The following RYR2 variants were observed in gnomAD, a reference collection of about 807,000 sequenced individuals.
RYR2 encodes the protein cardiac muscle ryanodine receptor-calcium release channel.
In RYR2, 227 loss-of-function variants were observed where a neutral mutation model predicts 601.1. The ratio of observed to expected loss-of-function variants is 0.38; its 90% CI spans 0.34 to 0.42. The LOEUF (loss-of-function observed/expected upper bound fraction) is 0.42. RYR2 is among the 10% of genes least tolerant of loss of function. The pLI is 1.00. For synonymous variants in RYR2, 2,223 were observed against 2,175.1 expected (o/e 1.02, Z -0.61); for missense variants, 4,646 against 6,156.5 (o/e 0.75, Z 8.21).
chr1:237,245,923 A>T (rs1032101208), intron 1 of RYR2, among the ~76,000 whole-genome samples: 1 of 151,816 alleles, frequency 6.6e-6, no homozygotes, highest in African/African-American at 2.4e-5. Context: ...CTGGCATTAC[A>T]GGTTCCCACC....
intron 63 of RYR2, among the ~76,000 whole-genome samples, chr1:237,691,250 T>A (rs1686919985): frequency 6.6e-6 from 1 of 152,178 alleles, no homozygotes; most frequent in Non-Finnish European, 1.5e-5. Context: ...AAGAAAATAC[T>A]TGAGTTTTGT....
intron 72 of RYR2, among the ~76,000 whole-genome samples, chr1:237,717,576 G>A (rs987818851): frequency 4.0e-5 from 6 of 151,876 alleles, no homozygotes; most frequent in Admixed American, 1.3e-4. Context: ...AATCACCTCC[G>A]GGACACATTC....
chr1:237,433,992 T>C lies in RYR2; in HGVS notation c.1006-7327T>C, dbSNP rs115762102. On this transcript the variant is annotated intron_variant, in intron 12 of 104. Coordinates refer to ENST00000366574, the MANE Select transcript of RYR2 (RefSeq NM_001035.3). ...ATCAAGATTTATTACTGATGGAAAA[T>C]CAAACTTTTCTAGGTCAGTTGCAAA... Among the ~76,000 whole-genome samples, 811 of 152,244 alleles carry C rather than the reference T, an allele frequency of 5.3e-3. 10 individuals carry two copies. Among genetic ancestry groups the C allele is most frequent in the African/African-American group, 0.018 (748 of 41,564 alleles).
chr1:237,059,936 T>G (rs1297223076), intron 1 of RYR2, among the ~76,000 whole-genome samples: 6 of 152,216 alleles, frequency 3.9e-5, no homozygotes. Context: ...AGACTTATAC[T>G]TAAAGCGTTC....
intron 1 of RYR2, among the ~76,000 whole-genome samples, chr1:237,231,302 C>CT (rs565733208): frequency 1.9e-4 from 28 of 149,978 alleles, no homozygotes; most frequent in Non-Finnish European, 3.0e-4. Context: ...GAGATAGTGT[C>CT]TTTTTTTCTT....
At chr1:237,261,765 A>G (rs1688551325) in intron 1 of RYR2, among the ~76,000 whole-genome samples, 1 of 151,994 alleles carries the variant, frequency 6.6e-6, no homozygotes, top group Admixed American at 6.6e-5. Context: ...ATTCCTCCTT[A>G]AAGTCTTTGC....
chr1:237,831,813 T>A (rs1663822820), intron 104 of RYR2, among the ~76,000 whole-genome samples: 2 of 152,056 alleles, frequency 1.3e-5, no homozygotes, highest in Admixed American at 1.3e-4. Context: ...ATTTGAGTTT[T>A]GAATTCCATT....
At chr1:237,138,960 C>T (rs1291744521) in intron 1 of RYR2, among the ~76,000 whole-genome samples, 4 of 152,222 alleles carry the variant, frequency 2.6e-5, no homozygotes, top group Middle Eastern at 6.8e-3. Context: ...ATAGCTGCCA[C>T]GGAAAACAGA....
intron 29 of RYR2, among the ~76,000 whole-genome samples, chr1:237,579,475 G>A (rs564699606): frequency 2.6e-5 from 4 of 151,854 alleles, no homozygotes; most frequent in African/African-American, 4.8e-5. Context: ...GGCTGGTCTC[G>A]AACTCCTGAC....
At chr1:237,492,126 G>A (rs939803054) in intron 18 of RYR2, among the ~76,000 whole-genome samples, 1 of 152,166 alleles carries the variant, frequency 6.6e-6, no homozygotes, top group African/African-American at 2.4e-5. Context: ...TCCGCCTCTA[G>A]GGTTCAAGCA....
chr1:237,446,918 G>A (rs946076341), intron 14 of RYR2, among the ~76,000 whole-genome samples: 1 of 152,022 alleles, frequency 6.6e-6, no homozygotes, highest in Admixed American at 6.6e-5. Context: ...TATAAAACTA[G>A]TCAAGAAGTT....
At chr1:237,248,311 T>C (rs963226460) in intron 1 of RYR2, among the ~76,000 whole-genome samples, 4 of 88,094 alleles carry the variant, frequency 4.5e-5, no homozygotes, top group African/African-American at 1.8e-4. Flanking sequence ...AAAATGATGA[T>C]GTATCATTTG....
chr1:237,653,872 G>A (rs1682991209), intron 51 of RYR2, among the ~76,000 whole-genome samples: 2 of 152,142 alleles, frequency 1.3e-5, no homozygotes, highest in South Asian at 2.1e-4. Context: ...CCCAGCACGG[G>A]ACAAAGATAA....
chr1:237,702,997 G>T (rs974450198), intron 66 of RYR2, among the ~76,000 whole-genome samples: 8 of 151,822 alleles, frequency 5.3e-5, no homozygotes, highest in Non-Finnish European at 8.8e-5. Flanking sequence ...CTATATTAAG[G>T]AAGTATAATA....
At chr1:237,561,050 G>A (rs1264600013) in intron 27 of RYR2, among the ~76,000 whole-genome samples, 3 of 152,134 alleles carry the variant, frequency 2.0e-5, no homozygotes, top group Admixed American at 6.5e-5. Context: ...AGAAAGTATG[G>A]AAAGTTATAT....
intron 17 of RYR2, among the ~76,000 whole-genome samples, chr1:237,477,048 G>A (rs142639412): frequency 8.3e-4 from 127 of 152,130 alleles, no homozygotes; most frequent in African/African-American, 2.9e-3. Context: ...GTCTTGTCTC[G>A]TAAAACCCAC....
At chr1:237,073,330 G>A (rs1664614710) in intron 1 of RYR2, among the ~76,000 whole-genome samples, 1 of 152,176 alleles carries the variant, frequency 6.6e-6, no homozygotes, top group Non-Finnish European at 1.5e-5. Flanking sequence ...CACACAGGTA[G>A]TGAGAGTCAG....
intron 1 of RYR2, among the ~76,000 whole-genome samples, chr1:237,094,032 C>T (rs917500992): frequency 1.3e-5 from 2 of 152,294 alleles, no homozygotes; most frequent in African/African-American, 2.4e-5. Flanking sequence ...AGAGCAGGCC[C>T]GGAGCCTCTG....
intron 1 of RYR2, among the ~76,000 whole-genome samples, chr1:237,088,940 G>A (rs1353481186): frequency 1.3e-5 from 2 of 152,190 alleles, no homozygotes; most frequent in Non-Finnish European, 2.9e-5. Context: ...TTTCTTGCCT[G>A]AGTTTCCACT....
Sources: allele counts gnomAD v4.1 joint callset (sites outside exome capture counted in the v4.1 genomes callset), GRCh38; gene constraint gnomAD v4.1.1; transcripts MANE v1.5; gene names NCBI Gene and HGNC (gene_info 2026-07-23, HGNC 2026-07-21).